The following CDH4 variants were observed in gnomAD, a reference collection of about 807,000 sequenced individuals.
CDH4 encodes cadherin-4.
Under a neutral mutation model 86.0 loss-of-function variants are expected in CDH4, and 33 were observed. That is an observed-to-expected ratio of 0.38 (90% CI 0.29 to 0.51). CDH4 has a LOEUF of 0.51. CDH4 is among the 20% of genes least tolerant of loss of function. The probability of loss-of-function intolerance (pLI) is 0.86; values close to 1 mark genes in which losing one functional copy is unlikely to be tolerated. For missense variants in CDH4, 1,114 were observed against 1,307.4 expected (o/e 0.85, Z 2.28); for synonymous variants, 555 against 549.4 (o/e 1.01, Z -0.14).
chr20:61,852,517 G>T (rs183662486), intron 5 of CDH4, among the ~76,000 whole-genome samples: 196 of 152,334 alleles, frequency 1.3e-3, no homozygotes, highest in Middle Eastern at 3.4e-3. Flanking sequence ...GTGTTGGGGG[G>T]TTATGCTGGC....
chr20:61,586,773 A>AAGT lies in CDH4; in HGVS notation c.170-156789_170-156787dup, dbSNP rs1254473736. Among the ~76,000 whole-genome samples the AAGT allele has an allele frequency of 1.4e-4, 22 of 152,336 alleles. No individual in the cohort carries two copies. In the East Asian group the frequency reaches 4.2e-3, roughly 29 times the overall value. On this transcript the variant is annotated intron_variant, in intron 2 of 15. Transcript: ENST00000614565. ...ATCACCATCCTGTTTGCCCTTGGAA[A>AAGT]AGTCACCAGGTTATGGAGAGACAAG... is the stretch of plus-strand genomic sequence containing the variant.
At chr20:61,685,805 C>T (rs563636247) in intron 2 of CDH4, among the ~76,000 whole-genome samples, 111 of 152,376 alleles carry the variant, frequency 7.3e-4, no homozygotes, top group Non-Finnish European at 1.2e-3. Flanking sequence ...CCTCAGCCCC[C>T]TGCAGAAACC....
In CDH4 at chr20:61,544,528, A is replaced by G. The variant is rs1391480312; in HGVS notation, c.170-199035A>G. 1.3e-5 allele frequency among the ~76,000 whole-genome samples: 2 copies of G among 151,656 alleles called. No homozygotes were observed. Among genetic ancestry groups the G allele is most frequent in the South Asian group, 2.1e-4 (1 of 4,796 alleles). On this transcript the variant is annotated intron_variant, in intron 2 of 15. Transcript: ENST00000614565. This position sits in a 1 kb window ranked among gnomAD's most constrained non-coding sequence, Gnocchi z 6.5. ...ATGCATCCAGGAATTAAAGCAGTCC[A>G]TGCAATGGCAGCCGCCAAGCAGAGA...
At chr20:61,755,434 C>T (rs1035687630) in intron 3 of CDH4, among the ~76,000 whole-genome samples, 21 of 148,738 alleles carry the variant, frequency 1.4e-4, no homozygotes, top group African/African-American at 5.3e-4. Flanking sequence ...GCACGTCACA[C>T]ACCACACACA....
chr20:61,899,451 A>G (rs1480289759), intron 8 of CDH4, among the ~76,000 whole-genome samples: 2 of 152,112 alleles, frequency 1.3e-5, no homozygotes, highest in East Asian at 1.9e-4. Context: ...TTTTTGAGAC[A>G]GAGTCTCGCT....
At position 61,709,502 on chromosome 20, in the gene CDH4, C is replaced by T; in HGVS notation, c.170-34061C>T. Among the ~76,000 whole-genome samples, 1 of 152,128 alleles carries T rather than the reference C, an allele frequency of 6.6e-6. No individual in the cohort carries two copies. Among genetic ancestry groups the T allele is most frequent in the South Asian group, 2.1e-4 (1 of 4,824 alleles). ...TGTTGGCCAGGCTGGTCTCGAACCC[C>T]TGGCCTCAAGTCATCCGACTGCCTT... On this transcript the variant is annotated intron_variant, in intron 2 of 15. Transcript: ENST00000614565. This position sits in a 1 kb window ranked among gnomAD's most constrained non-coding sequence, Gnocchi z 4.8.
At position 61,934,084 on chromosome 20, in the gene CDH4, C is replaced by T. The variant is rs778916694; in HGVS notation, c.2408C>T (p.Pro803Leu). Residue 803 changes from proline to leucine, a missense_variant, in exon 15 of 16, where the codon CCG becomes CTG. By Grantham distance (98) the Pro-to-Leu change is moderately conservative (BLOSUM62 -3). Transcript: ENST00000614565. ...QDYDLSQLQQ[P>L]EAMGHVPSKA... ...TACGACCTCAGCCAGCTGCAGCAGC[C>T]GGAAGCCATGGGGCACGTGCCAAGC... 7 of 1,611,228 alleles carry T rather than the reference C, an allele frequency of 4.3e-6. No homozygotes were observed. The highest frequency in any genetic ancestry group is 2.2e-5 in the East Asian group (1 of 44,860).
intron 2 of CDH4, among the ~76,000 whole-genome samples, chr20:61,527,665 A>G (rs2085920662): frequency 6.6e-6 from 1 of 152,146 alleles, no homozygotes; most frequent in South Asian, 2.1e-4. Flanking sequence ...GTGGTTTGCA[A>G]AGCATGCGTG....
intron 2 of CDH4, among the ~76,000 whole-genome samples, chr20:61,546,104 G>A (rs2086082246): frequency 3.7e-5 from 1 of 27,180 alleles, no homozygotes; most frequent in Non-Finnish European, 7.9e-5. Flanking sequence ...GTGGAGGGGT[G>A]TGTGTGCATG....
chr20:61,543,039 C>T (rs569333308), intron 2 of CDH4, among the ~76,000 whole-genome samples: 21 of 152,304 alleles, frequency 1.4e-4, no homozygotes, highest in Middle Eastern at 3.4e-3. Flanking sequence ...AGGAAGCATC[C>T]GCTCGGGAGA....
chr20:61,864,399 C>G (rs1180956925), intron 6 of CDH4, among the ~76,000 whole-genome samples: 2 of 152,260 alleles, frequency 1.3e-5, no homozygotes, highest in Non-Finnish European at 2.9e-5. Context: ...ACTTCCCTCC[C>G]CATGCAGCCA....
intron 4 of CDH4, among the ~76,000 whole-genome samples, chr20:61,814,481 C>T (rs984853579): frequency 3.9e-5 from 6 of 152,190 alleles, no homozygotes; most frequent in Non-Finnish European, 8.8e-5. Flanking sequence ...GCCCCTCACA[C>T]CCACGCTCGA....
chr20:61,334,013 C>T (rs1013640007), intron 2 of CDH4, among the ~76,000 whole-genome samples: 3 of 152,174 alleles, frequency 2.0e-5, no homozygotes, highest in African/African-American at 4.8e-5. Context: ...AAGGGTAGCC[C>T]CTGTCCATCC....
intron 2 of CDH4, among the ~76,000 whole-genome samples, chr20:61,628,351 G>A (rs73304685): frequency 0.046 from 6,945 of 151,698 alleles, 208 homozygotes; most frequent in Middle Eastern, 0.078. Flanking sequence ...GTGCTCAGCC[G>A]GTCACTGCTC....
chr20:61,843,312 C>T (rs916338149), intron 4 of CDH4, among the ~76,000 whole-genome samples: 3 of 151,278 alleles, frequency 2.0e-5, no homozygotes, highest in South Asian at 2.1e-4. Flanking sequence ...TAGCCGGGCG[C>T]GGTGGCGGGC....
intron 2 of CDH4, among the ~76,000 whole-genome samples, chr20:61,588,496 G>A (rs1464477364): frequency 1.3e-5 from 2 of 152,168 alleles, no homozygotes; most frequent in African/African-American, 4.8e-5. Flanking sequence ...TGAGTGGAGT[G>A]ACCAGTTCCA....
intron 2 of CDH4, among the ~76,000 whole-genome samples, chr20:61,336,368 T>C (rs1428297889): frequency 2.6e-5 from 4 of 152,232 alleles, no homozygotes; most frequent in Non-Finnish European, 5.9e-5. Context: ...ATCAACATTA[T>C]CATTAAACAT....
At chr20:61,420,627 C>T (rs764280484) in intron 2 of CDH4, among the ~76,000 whole-genome samples, 9 of 152,250 alleles carry the variant, frequency 5.9e-5, no homozygotes, top group Non-Finnish European at 1.0e-4. Flanking sequence ...GAAACCCATG[C>T]CCAGGTGCAG....
At chr20:61,547,258 G>C (rs984192541) in intron 2 of CDH4, among the ~76,000 whole-genome samples, 7 of 138,602 alleles carry the variant, frequency 5.1e-5, no homozygotes, top group African/African-American at 1.6e-4. Context: ...TGTCTCCCAG[G>C]CTGGAGTGCA....
Sources: allele counts gnomAD v4.1 joint callset (sites outside exome capture counted in the v4.1 genomes callset), GRCh38; gene constraint gnomAD v4.1.1; non-coding constraint Gnocchi (gnomAD v3.1); transcripts MANE v1.5; gene names NCBI Gene and HGNC (gene_info 2026-07-23, HGNC 2026-07-21).